The following MAPK10 variants were observed in gnomAD, a reference collection of about 807,000 sequenced individuals.
MAPK10 encodes the protein mitogen-activated protein kinase 10.
A neutral mutation model predicts 59.3 loss-of-function variants in MAPK10; 25 were observed. That is an observed-to-expected ratio of 0.42 (90% CI 0.31 to 0.59). The LOEUF (loss-of-function observed/expected upper bound fraction) is 0.59, where lower values mean the gene tolerates loss of function less well. Among genes scored for constraint, MAPK10 ranks in the 20% least tolerant of loss-of-function variants. The pLI is 0.15. For missense variants in MAPK10, 351 were observed against 568.9 expected (o/e 0.62, Z 3.90); for synonymous variants, 190 against 200.5 (o/e 0.95, Z 0.44).
intron 2 of MAPK10, among the ~76,000 whole-genome samples, chr4:86,293,353 G>T (rs1034964641): frequency 6.6e-6 from 1 of 152,186 alleles, no homozygotes; most frequent in African/African-American, 2.4e-5. Context: ...ACTGACTTAA[G>T]CCTGTATCTA....
intron 2 of MAPK10, among the ~76,000 whole-genome samples, chr4:86,330,848 T>C (rs2096135986): frequency 6.6e-6 from 1 of 152,230 alleles, no homozygotes; most frequent in Admixed American, 6.6e-5. Flanking sequence ...AATTCGTGTT[T>C]TAAATTTATT....
At chr4:86,137,781 C>A (rs1180195634) in intron 4 of MAPK10, among the ~76,000 whole-genome samples, 1 of 143,622 alleles carries the variant, frequency 7.0e-6, no homozygotes, top group Non-Finnish European at 1.5e-5. Context: ...AATTGATAGA[C>A]CGCTAGCAAG....
chr4:86,332,582 G>T (rs1262089421), intron 2 of MAPK10: 1 of 152,170 alleles, frequency 6.6e-6, no homozygotes, highest in African/African-American at 2.4e-5. Flanking sequence ...ACACAGCACA[G>T]TTCCACTGTG....
At chr4:86,173,002 T>C (rs1477998532) in intron 3 of MAPK10, among the ~76,000 whole-genome samples, 1 of 152,106 alleles carries the variant, frequency 6.6e-6, no homozygotes, top group African/African-American at 2.4e-5. Flanking sequence ...TCCATCCTTG[T>C]GAATAGGAAG....
chr4:86,267,091 T>C (rs892835769), intron 2 of MAPK10, among the ~76,000 whole-genome samples: 1 of 152,152 alleles, frequency 6.6e-6, no homozygotes, highest in Non-Finnish European at 1.5e-5. Context: ...TTAACAGGTG[T>C]GTTATTCAAA....
intron 2 of MAPK10, among the ~76,000 whole-genome samples, chr4:86,285,565 T>C (rs533411245): frequency 6.6e-6 from 1 of 152,282 alleles, no homozygotes; most frequent in East Asian, 1.9e-4. Flanking sequence ...ACAACTCAGA[T>C]AGATTTACCT....
chr4:86,432,472 G>A (rs1748171636), intron 1 of MAPK10, among the ~76,000 whole-genome samples: 1 of 152,062 alleles, frequency 6.6e-6, no homozygotes, highest in South Asian at 2.1e-4. Flanking sequence ...TAGAGACTGG[G>A]TTTCACCACG....
At chr4:86,101,261 T>C in intron 7 of MAPK10, 44 bp from the exon 8 acceptor site, 1 of 1,488,634 alleles carries the variant, frequency 6.7e-7, no homozygotes, top group Non-Finnish European at 9.3e-7. Flanking sequence ...CAGTATCAAG[T>C]GAAATGTTAT....
intron 1 of MAPK10, among the ~76,000 whole-genome samples, chr4:86,398,233 A>AAAAAG (rs1032587178): frequency 1.3e-5 from 2 of 151,996 alleles, no homozygotes; most frequent in East Asian, 1.9e-4. Flanking sequence ...AAACAAAAAA[A>AAAAAG]AAAAGAAAAG....
At chr4:86,181,964 T>C (rs1466801308) in intron 3 of MAPK10, among the ~76,000 whole-genome samples, 4 of 152,098 alleles carry the variant, frequency 2.6e-5, no homozygotes, top group Non-Finnish European at 2.9e-5. Flanking sequence ...TAGAGTGAAA[T>C]GTAACAGTTC....
intron 1 of MAPK10, among the ~76,000 whole-genome samples, chr4:86,401,072 A>T (rs193197833): frequency 5.9e-5 from 9 of 152,260 alleles, no homozygotes; most frequent in Admixed American, 4.6e-4. Context: ...TATAAGTGGA[A>T]CTTTTATTTT....
intron 9 of MAPK10, chr4:86,080,257 T>A (rs2050364514): frequency 6.7e-6 from 1 of 149,458 alleles, no homozygotes; most frequent in African/African-American, 2.5e-5. Context: ...GGAAGATAAA[T>A]AAAAAGAAAT....
intron 2 of MAPK10, among the ~76,000 whole-genome samples, chr4:86,217,816 A>G (rs1563217037): frequency 6.6e-6 from 1 of 152,002 alleles, no homozygotes; most frequent in Non-Finnish European, 1.5e-5. Context: ...ATGCTTATAT[A>G]TATAATTTTG....
intron 1 of MAPK10, among the ~76,000 whole-genome samples, chr4:86,368,100 G>A (rs574981905): frequency 6.6e-5 from 10 of 152,278 alleles, no homozygotes; most frequent in East Asian, 1.9e-4. Flanking sequence ...GCAATGCTGC[G>A]AATTTAAAAC....
chr4:86,379,545 G>A (rs1740369309), intron 1 of MAPK10, among the ~76,000 whole-genome samples: 1 of 152,188 alleles, frequency 6.6e-6, no homozygotes, highest in Non-Finnish European at 1.5e-5. Flanking sequence ...TTACCGGAAT[G>A]AGGGCAAGGA....
chr4:86,507,649 TATATATATATATATATATATATAA>T (rs1423839223), intron 1 of MAPK10, among the ~76,000 whole-genome samples: 1 of 94,754 alleles, frequency 1.1e-5, no homozygotes, highest in African/African-American at 4.3e-5. Context: ...TATATATATA[TATATATATATATATATATATATAA>T]AATCATGTGT....
chr4:86,025,621 T>A (rs929416522), intron 13 of MAPK10: 2 of 396,792 alleles, frequency 5.0e-6, no homozygotes, highest in African/African-American at 2.1e-5. Flanking sequence ...TCAAAAATGT[T>A]TTGCCATCAA....
chr4:86,241,323 A>G (rs1245861877), intron 2 of MAPK10, among the ~76,000 whole-genome samples: 1 of 151,552 alleles, frequency 6.6e-6, no homozygotes, highest in African/African-American at 2.4e-5. Context: ...CTTGGGGTTG[A>G]TCTTCTCGTG....
At chr4:86,507,648 AT>A in intron 1 of MAPK10, among the ~76,000 whole-genome samples, 2 of 93,692 alleles carry the variant, frequency 2.1e-5, no homozygotes, top group East Asian at 3.0e-4. Flanking sequence ...ATATATATAT[AT>A]ATATATATAT....
Sources: allele counts gnomAD v4.1 joint callset (sites outside exome capture counted in the v4.1 genomes callset), GRCh38; gene constraint gnomAD v4.1.1; transcripts MANE v1.5; gene names NCBI Gene and HGNC (gene_info 2026-07-23, HGNC 2026-07-21).